Variants in NTRK3 observed in about 807,000 individuals in gnomAD.
NTRK3 encodes the protein NT-3 growth factor receptor.
NTRK3 carries 24 observed loss-of-function variants against 91.7 expected under a neutral mutation model. That is an observed-to-expected ratio of 0.26 (90% CI 0.19 to 0.37). The LOEUF (loss-of-function observed/expected upper bound fraction) is 0.37. Ranked by LOEUF, NTRK3 falls within the 10% of genes least tolerant of loss-of-function variation. The pLI is 1.00. For missense variants in NTRK3, 880 were observed against 1,068.9 expected (o/e 0.82, Z 2.46); for synonymous variants, 483 against 404.0 (o/e 1.20, Z -2.34).
chr15:87,900,862 A>G (rs781200789), intron 17 of NTRK3, among the ~76,000 whole-genome samples: 2 of 152,136 alleles, frequency 1.3e-5, no homozygotes, highest in African/African-American at 4.8e-5. Context: ...GGTGAGGGAA[A>G]GACTTCGACT....
rs566241000 is a variant in NTRK3, at chr15:87,866,817, C to T, written c.*10118G>A. ...TTTGATTGAAAAAGGCTTTTTTTTCCCCCTCAAGATTTGGATGCTGCTGCA... is the reference window on the plus strand; with the variant it reads ...TTTGATTGAAAAAGGCTTTTTTTTCTCCCTCAAGATTTGGATGCTGCTGCA... On this transcript the variant is annotated 3_prime_UTR_variant, in exon 19 of 19. Transcript: ENST00000394480. The T allele has an allele frequency of 3.5e-5, 7 of 199,468 alleles. No homozygotes were observed. The East Asian group carries it at 5.4e-4, about 15-fold the overall frequency. The allele number at this position is 199,468 out of a possible 1,614,324, so 12.4% of individuals were successfully genotyped here. A position where few individuals can be genotyped will look rare whatever the true frequency, so the allele number is the denominator to read the frequency against.
chr15:87,868,086 T>C (rs2064735776), exon 19 of NTRK3: 3 of 231,772 alleles, frequency 1.3e-5, no homozygotes, highest in Admixed American at 5.6e-5. Flanking sequence ...TGCAAATGCA[T>C]GCACACAAAG....
intron 14 of NTRK3, among the ~76,000 whole-genome samples, chr15:87,971,415 C>T (rs2073243485): frequency 6.6e-6 from 1 of 152,206 alleles, no homozygotes; most frequent in African/African-American, 2.4e-5. Flanking sequence ...ATGTTCTCTG[C>T]CATGTGAATT....
At chr15:87,879,669 G>A (rs529532109) in intron 18 of NTRK3, among the ~76,000 whole-genome samples, 1 of 152,112 alleles carries the variant, frequency 6.6e-6, no homozygotes, top group African/African-American at 2.4e-5. Flanking sequence ...ATGTTTACTA[G>A]CATTTTTTAT....
At chr15:87,890,218 G>C (rs1323328588) in intron 17 of NTRK3, among the ~76,000 whole-genome samples, 4 of 151,972 alleles carry the variant, frequency 2.6e-5, no homozygotes, top group Non-Finnish European at 5.9e-5. Flanking sequence ...GTGATGTTAA[G>C]ACTGATCAGT....
intron 5 of NTRK3, among the ~76,000 whole-genome samples, chr15:88,169,175 G>C (rs996452481): frequency 6.6e-6 from 1 of 152,166 alleles, no homozygotes; most frequent in South Asian, 2.1e-4. Flanking sequence ...GCCTCACCTA[G>C]GTTTCTGCAT....
At chr15:88,062,246 G>A (rs1040065649) in intron 13 of NTRK3, among the ~76,000 whole-genome samples, 4 of 152,196 alleles carry the variant, frequency 2.6e-5, no homozygotes, top group African/African-American at 7.2e-5. Context: ...GACAACTGTA[G>A]TATATCCCAC....
At chr15:88,008,328 C>G (rs1596660539) in intron 14 of NTRK3, among the ~76,000 whole-genome samples, 1 of 152,088 alleles carries the variant, frequency 6.6e-6, no homozygotes, top group Non-Finnish European at 1.5e-5. Flanking sequence ...TCTCTTGGGG[C>G]AAGTATCTTA....
At chr15:88,196,770 A>G (rs1015013242) in intron 3 of NTRK3, among the ~76,000 whole-genome samples, 5 of 152,214 alleles carry the variant, frequency 3.3e-5, no homozygotes, top group Admixed American at 6.5e-5. Flanking sequence ...CTGGGAAGGC[A>G]TCTCTCCATT....
chr15:88,017,997 A>T (rs781615047), intron 14 of NTRK3, among the ~76,000 whole-genome samples: 1 of 152,160 alleles, frequency 6.6e-6, no homozygotes, highest in East Asian at 1.9e-4. Context: ...AAGCTTATAC[A>T]TTGCCTGCTG....
At chr15:87,892,261 T>C (rs112413399) in intron 17 of NTRK3, among the ~76,000 whole-genome samples, 2 of 152,326 alleles carry the variant, frequency 1.3e-5, no homozygotes, top group African/African-American at 2.4e-5. Context: ...TGGGGAAATA[T>C]CTGTTTGCAA....
chr15:88,085,365 G>A (rs1597215204), intron 13 of NTRK3, among the ~76,000 whole-genome samples: 1 of 152,220 alleles, frequency 6.6e-6, no homozygotes, highest in South Asian at 2.1e-4. Flanking sequence ...AAATGCAAGG[G>A]AGGTGACAGT....
intron 14 of NTRK3, among the ~76,000 whole-genome samples, chr15:87,961,039 G>A (rs568494866): frequency 2.0e-5 from 2 of 99,542 alleles, no homozygotes; most frequent in South Asian, 8.4e-4. Context: ...TTCAACACAG[G>A]TGAAGTTTAA....
chr15:87,946,224 C>G (rs1266642554), intron 14 of NTRK3: 1 of 152,172 alleles, frequency 6.6e-6, no homozygotes, highest in Non-Finnish European at 1.5e-5. Flanking sequence ...TGACCTCCTC[C>G]TCCTTCAGAG....
intron 13 of NTRK3, among the ~76,000 whole-genome samples, chr15:88,085,668 T>A (rs1276954178): frequency 6.6e-6 from 1 of 152,216 alleles, no homozygotes; most frequent in Non-Finnish European, 1.5e-5. Flanking sequence ...AATCGCTAAC[T>A]AAGATACATT....
chr15:87,957,331 T>C (rs2071770612), intron 14 of NTRK3, among the ~76,000 whole-genome samples: 1 of 152,174 alleles, frequency 6.6e-6, no homozygotes, highest in Admixed American at 6.5e-5. Context: ...AAGAAGTACA[T>C]TATTATGACG....
chr15:88,232,162 C>T (rs2051253960), intron 3 of NTRK3, among the ~76,000 whole-genome samples: 1 of 152,060 alleles, frequency 6.6e-6, no homozygotes, highest in African/African-American at 2.4e-5. Flanking sequence ...GCACCTTCCG[C>T]CTGAAATGTC....
intron 14 of NTRK3, among the ~76,000 whole-genome samples, chr15:88,024,996 G>T (rs2077907646): frequency 6.6e-6 from 1 of 152,120 alleles, no homozygotes; most frequent in African/African-American, 2.4e-5. Context: ...TCAGTTACCG[G>T]TATACTTTAG....
At chr15:88,225,706 G>A (rs2050611952) in intron 3 of NTRK3, among the ~76,000 whole-genome samples, 1 of 152,150 alleles carries the variant, frequency 6.6e-6, no homozygotes, top group Non-Finnish European at 1.5e-5. Context: ...TGACAGTGCT[G>A]ATGTTTCCCA....
Sources: gnomAD v4.1 joint callset for allele counts (sites outside exome capture counted in the v4.1 genomes callset) on GRCh38, gnomAD v4.1.1 for gene constraint, MANE v1.5 for transcripts, NCBI Gene and HGNC (gene_info 2026-07-23, HGNC 2026-07-21) for gene names.